The following CEP170 variants were observed in gnomAD, a reference collection of about 807,000 sequenced individuals.
CEP170 encodes centrosomal protein of 170 kDa.
In CEP170, 21 loss-of-function variants were observed where a neutral mutation model predicts 151.9. That is an observed-to-expected ratio of 0.14 (90% CI 0.10 to 0.20). The LOEUF (loss-of-function observed/expected upper bound fraction) is 0.20. Among genes scored for constraint, CEP170 ranks in the 10% least tolerant of loss-of-function variants. The pLI, the probability that CEP170 is intolerant of heterozygous loss-of-function variation, is 1.00. For synonymous variants in CEP170, 356 were observed against 648.8 expected (o/e 0.55, Z 6.86); for missense variants, 964 against 1,892.9 (o/e 0.51, Z 9.11).
chr1:243,249,050 G>C (rs2065685627), intron 1 of CEP170, among the ~76,000 whole-genome samples: 1 of 152,162 alleles, frequency 6.6e-6, no homozygotes, highest in African/African-American at 2.4e-5. Flanking sequence ...TAGTTCTCAA[G>C]GTGTAGCATA....
At chr1:243,245,339 G>C (rs1454537636) in intron 1 of CEP170, among the ~76,000 whole-genome samples, 1 of 151,792 alleles carries the variant, frequency 6.6e-6, no homozygotes, top group Non-Finnish European at 1.5e-5. Context: ...CACCACTTTG[G>C]GATGCTGAGA....
intron 4 of CEP170, among the ~76,000 whole-genome samples, chr1:243,209,594 T>C (rs1168770162): frequency 6.6e-6 from 1 of 152,218 alleles, no homozygotes; most frequent in Non-Finnish European, 1.5e-5. Context: ...ATGTCTTCAA[T>C]CTAGCATAGC....
At chr1:243,170,488 T>C (rs935539118) in intron 11 of CEP170, among the ~76,000 whole-genome samples, 32 of 152,146 alleles carry the variant, frequency 2.1e-4, no homozygotes, top group African/African-American at 7.2e-4. Context: ...ATTTCAAGAA[T>C]AGTAGGTAAG....
chr1:243,199,840 G>A (rs1216893696), intron 6 of CEP170, among the ~76,000 whole-genome samples: 1 of 151,874 alleles, frequency 6.6e-6, no homozygotes, highest in African/African-American at 2.4e-5. Flanking sequence ...TTATTATATG[G>A]TGATACAGCC....
chr1:243,181,008 ATTTCT>A (rs1245503680), intron 10 of CEP170, among the ~76,000 whole-genome samples: 2 of 152,162 alleles, frequency 1.3e-5, no homozygotes, highest in African/African-American at 4.8e-5. Context: ...GAGGAGAAAT[ATTTCT>A]TTTAAGAGGA....
intron 4 of CEP170, chr1:243,211,245 T>C (rs1446340090): frequency 1.3e-5 from 2 of 152,072 alleles, no homozygotes; most frequent in Non-Finnish European, 2.9e-5. Context: ...GCTCCTTCCC[T>C]TCACTAGAGA....
At chr1:243,250,051 G>C (rs997236408) in intron 1 of CEP170, among the ~76,000 whole-genome samples, 1 of 152,116 alleles carries the variant, frequency 6.6e-6, no homozygotes, top group Admixed American at 6.5e-5. Context: ...AGCCTGGCGA[G>C]AGAGCAAGAC....
intron 1 of CEP170, among the ~76,000 whole-genome samples, chr1:243,242,258 G>A (rs936676795): frequency 5.3e-5 from 8 of 152,006 alleles, no homozygotes; most frequent in Non-Finnish European, 1.2e-4. Context: ...TCGCTCTGTC[G>A]CCCAGGCTGG....
chr1:243,147,150 T>C (rs562501419), intron 14 of CEP170, among the ~76,000 whole-genome samples: 5 of 152,328 alleles, frequency 3.3e-5, no homozygotes, highest in African/African-American at 1.2e-4. Context: ...TATTAGTATA[T>C]AAAAAAGTAC....
chr1:243,141,147 C>A (rs2055786920), intron 15 of CEP170, among the ~76,000 whole-genome samples: 1 of 152,102 alleles, frequency 6.6e-6, no homozygotes, highest in Non-Finnish European at 1.5e-5. Flanking sequence ...GCACAGTTTA[C>A]CACAATTAAA....
intron 10 of CEP170, among the ~76,000 whole-genome samples, chr1:243,175,375 A>T (rs1432039627): frequency 6.6e-6 from 1 of 152,230 alleles, no homozygotes; most frequent in East Asian, 1.9e-4. Flanking sequence ...CAGTGTGGGG[A>T]AAGAAGCCTT....
At position 243,162,941 on chromosome 1, in the gene CEP170, G is replaced by A. The variant is rs78208395; in HGVS notation, c.3676+1343C>T. Among the ~76,000 whole-genome samples the A allele has an allele frequency of 3.3e-5, 5 of 152,158 alleles. No homozygotes were observed. In the East Asian group the frequency reaches 9.6e-4, roughly 29 times the overall value. ...TGAACCACCAACCAAAGCTTCAAGT[G>A]TGGAAATGAGGACTGGGGTAATAAG... On this transcript the variant is annotated intron_variant, in intron 13 of 19. Transcript: ENST00000366542.
chr1:243,128,561 T>C lies in CEP170; in HGVS notation c.4414-261A>G, dbSNP rs182359900. 3.4e-4 allele frequency: 131 copies of C among 384,880 alleles called. No individual in the cohort carries two copies. In the East Asian group the frequency reaches 5.3e-3, roughly 16 times the overall value. 23.8% of individuals were successfully genotyped at this position (384,880 alleles called of 1,614,324 possible). A position where few individuals can be genotyped will look rare whatever the true frequency, so the allele number is the denominator to read the frequency against. On this transcript the variant is annotated intron_variant, in intron 18 of 19. Transcript: ENST00000366542. ...ATGAAAAGTTTAACATTTACTACTA[T>C]TTAAGCAAAGATTTTTTTTTTTTGA...
rs753875349 is a variant in CEP170 at position 243,225,272 on chromosome 1, T to G, written c.9A>C (p.Leu3Phe). The G allele has an allele frequency of 6.3e-7, 1 of 1,588,552 alleles. No individual in the cohort carries two copies. Among genetic ancestry groups the G allele is most frequent in the Non-Finnish European group, 8.5e-7 (1 of 1,169,630 alleles). ...CACTGCTCACCAAAAACCAGGATGT[T>G]AAGCTCATTTTCTGCTTAGCTTCTA... is the stretch of plus-strand genomic sequence containing the variant. MS[L>F]TSWFLVSSGG... The change falls in exon 2 of 20, where the codon TTA becomes TTC. Residue 3 changes from leucine to phenylalanine, a missense_variant. Transcript: ENST00000366542.
At chr1:243,133,377 C>T (rs938651212) in intron 17 of CEP170, among the ~76,000 whole-genome samples, 4 of 152,192 alleles carry the variant, frequency 2.6e-5, no homozygotes, top group Admixed American at 1.3e-4. Context: ...GACTTTATTC[C>T]CATATAAGAT....
chr1:243,146,332 C>T (rs1257256006), intron 14 of CEP170, among the ~76,000 whole-genome samples: 9 of 152,072 alleles, frequency 5.9e-5, no homozygotes, highest in Admixed American at 5.9e-4. Flanking sequence ...GAATGAGATT[C>T]GCGAAGAACG....
chr1:243,217,477 G>T (rs995342312), intron 3 of CEP170, among the ~76,000 whole-genome samples: 5 of 152,182 alleles, frequency 3.3e-5, no homozygotes, highest in African/African-American at 1.2e-4. Flanking sequence ...AGCACCTGTT[G>T]TGTGTTGAAC....
At chr1:243,213,517 A>ATAAAAAT (rs1179900498) in intron 3 of CEP170, among the ~76,000 whole-genome samples, 34 of 152,334 alleles carry the variant, frequency 2.2e-4, no homozygotes, top group South Asian at 6.2e-4. Flanking sequence ...GATAAAGCTG[A>ATAAAAAT]TAGCATAAGC....
chr1:243,245,538 A>AC (rs1276754571), intron 1 of CEP170, among the ~76,000 whole-genome samples: 1 of 152,110 alleles, frequency 6.6e-6, no homozygotes, highest in African/African-American at 2.4e-5. Context: ...ACATGGTGAA[A>AC]CCCCGTCTCT....
Sources: gnomAD v4.1 joint callset for allele counts (sites outside exome capture counted in the v4.1 genomes callset) on GRCh38, gnomAD v4.1.1 for gene constraint, MANE v1.5 for transcripts, NCBI Gene and HGNC (gene_info 2026-07-23, HGNC 2026-07-21) for gene names.